IFRD1: variants seen among roughly 807,000 people sequenced by gnomAD.
IFRD1 encodes the protein interferon related developmental regulator 1.
A neutral mutation model predicts 52.9 loss-of-function variants in IFRD1; 35 were observed. That is an observed-to-expected ratio of 0.66 (90% confidence interval 0.51 to 0.88). The LOEUF is 0.88. Ranked by LOEUF, IFRD1 falls within the 40% of genes least tolerant of loss-of-function variation. The pLI is 0.00. For synonymous variants in IFRD1, 184 were observed against 188.4 expected (o/e 0.98, Z 0.19); for missense variants, 517 against 550.8 (o/e 0.94, Z 0.61).
chr7:112,447,992 T>C (rs1450377554), upstream of IFRD1, among the ~76,000 whole-genome samples: 3 of 152,150 alleles, frequency 2.0e-5, no homozygotes, highest in Middle Eastern at 3.2e-3. Context: ...CAGAAAAATC[T>C]AGTCAACAAT....
At chr7:112,463,153 A>G (rs188583557) in intron 8 of IFRD1, among the ~76,000 whole-genome samples, 1 of 152,304 alleles carries the variant, frequency 6.6e-6, no homozygotes, top group Non-Finnish European at 1.5e-5. Flanking sequence ...CTGTGCTGAT[A>G]TTTAGAAATG....
chr7:112,460,254 T>G (rs1213834111), intron 5 of IFRD1, among the ~76,000 whole-genome samples: 17 of 144,780 alleles, frequency 1.2e-4, no homozygotes, highest in Admixed American at 3.5e-4. Flanking sequence ...TTTTTTTTTT[T>G]TTTTTTTTTT....
At chr7:112,454,857 G>GGTT (rs1795247759) in intron 1 of IFRD1, among the ~76,000 whole-genome samples, 1 of 78,810 alleles carries the variant, frequency 1.3e-5, no homozygotes, top group African/African-American at 5.0e-5. Context: ...CTTCATATCA[G>GGTT]TTTTTTTTTT....
At chr7:112,464,797 C>G (rs1170959068) in intron 8 of IFRD1, among the ~76,000 whole-genome samples, 1 of 152,106 alleles carries the variant, frequency 6.6e-6, no homozygotes, top group African/African-American at 2.4e-5. Flanking sequence ...CAGGTCTCAC[C>G]CATTCCATTC....
chr7:112,427,991 G>A (rs1367638194), intron 1 of IFRD1, among the ~76,000 whole-genome samples: 1 of 152,170 alleles, frequency 6.6e-6, no homozygotes, highest in African/African-American at 2.4e-5. Context: ...GCTTGATGGG[G>A]GCAGAGGGGT....
At chr7:112,464,780 C>A (rs1795566930) in intron 8 of IFRD1, among the ~76,000 whole-genome samples, 1 of 152,142 alleles carries the variant, frequency 6.6e-6, no homozygotes, top group South Asian at 2.1e-4. Context: ...TATAGTTAGA[C>A]CTTTTCCAGG....
chr7:112,460,771 C>A (rs987810758), intron 5 of IFRD1, among the ~76,000 whole-genome samples: 2 of 67,170 alleles, frequency 3.0e-5, no homozygotes, highest in African/African-American at 9.1e-5. Flanking sequence ...AGTACTGGAA[C>A]AGACTGGCTA....
chr7:112,435,760 T>G (rs1182038245), intron 1 of IFRD1: 1 of 152,090 alleles, frequency 6.6e-6, no homozygotes, highest in Non-Finnish European at 1.5e-5. Flanking sequence ...ATTTATCTGG[T>G]CAGGTTTTAG....
intron 1 of IFRD1, chr7:112,435,621 G>GTGT (rs1554503433): frequency 9.2e-6 from 1 of 108,840 alleles, no homozygotes; most frequent in South Asian, 3.4e-4. Flanking sequence ...ATCTGCTACA[G>GTGT]GTGTGTGTGT....
In IFRD1 at chr7:112,450,594, C is replaced by T; in HGVS notation, c.-95C>T. The stretch of plus-strand genomic sequence containing the variant: ...TGTTGTTAGCCGAAGACTCGCCTCT[C>T]AGCCGCCCGCCGCACAGACGCACGA... On this transcript the variant is annotated 5_prime_UTR_variant, in exon 1 of 12. Coordinates refer to ENST00000403825, the MANE Select transcript of IFRD1 (RefSeq NM_001550.4). The T allele has an allele frequency of 1.0e-6, 1 of 998,398 alleles. No homozygotes were observed. Among genetic ancestry groups the T allele is most frequent in the Non-Finnish European group, 1.6e-6 (1 of 631,960 alleles). 61.8% of individuals were successfully genotyped at this position (998,398 alleles called of 1,614,324 possible).
chr7:112,447,945 T>C (rs1432240964), upstream of IFRD1, among the ~76,000 whole-genome samples: 2 of 152,136 alleles, frequency 1.3e-5, no homozygotes, highest in Admixed American at 1.3e-4. Flanking sequence ...AGAATGTATG[T>C]ATGTAGTGAT....
At chr7:112,471,568 A>G (rs1584503108) in intron 9 of IFRD1, among the ~76,000 whole-genome samples, 1 of 151,992 alleles carries the variant, frequency 6.6e-6, no homozygotes, top group East Asian at 1.9e-4. Flanking sequence ...TTCTGCCACT[A>G]TTCCAGCTGA....
Position 112,450,693 on chromosome 7 carries a change from C to G in IFRD1, c.5C>G (p.Pro2Arg), listed in dbSNP as rs144427603. ...GGCGGCACCGGGCGTCCCACGATGC[C>G]GAAGAACAAGAAGCGGAACACTCCC... is the stretch of plus-strand genomic sequence containing the variant. M[P>R]KNKKRNTPHR... is the part of the protein sequence containing the mutation. The change falls in exon 1 of 12, where the codon CCG (proline) becomes CGG (arginine). Residue 2 changes from proline (P) to arginine (R), a missense_variant. By Grantham distance (103) the Pro-to-Arg change is moderately radical. Transcript: ENST00000403825. The G allele has an allele frequency of 2.5e-6, 4 of 1,612,682 alleles. No homozygotes were observed. The East Asian group carries it at 6.7e-5, about 27-fold the overall frequency.
At chr7:112,464,345 G>C (rs17159686) in intron 8 of IFRD1, among the ~76,000 whole-genome samples, 24,840 of 151,868 alleles carry the variant, frequency 0.16, 2,182 homozygotes, top group South Asian at 0.31. Context: ...AATAAACTGT[G>C]TTCAAAGTTG....
intron 1 of IFRD1, among the ~76,000 whole-genome samples, chr7:112,440,788 T>C (rs916915278): frequency 6.6e-6 from 1 of 152,154 alleles, no homozygotes; most frequent in African/African-American, 2.4e-5. Context: ...ACTATCCTAG[T>C]TTGCAAGAAA....
At chr7:112,433,665 A>G (rs1166417195) in intron 1 of IFRD1, among the ~76,000 whole-genome samples, 3 of 152,234 alleles carry the variant, frequency 2.0e-5, no homozygotes, top group Non-Finnish European at 4.4e-5. Flanking sequence ...TTTCAAAGTT[A>G]AACTATAAAC....
At chr7:112,470,483 C>A (rs534489068) in intron 9 of IFRD1, among the ~76,000 whole-genome samples, 1 of 152,238 alleles carries the variant, frequency 6.6e-6, no homozygotes, top group Admixed American at 6.5e-5. Context: ...ATTTTAAAAA[C>A]CTTGGCTGTG....
chr7:112,447,488 G>T (rs1012110359), upstream of IFRD1, among the ~76,000 whole-genome samples: 4 of 152,150 alleles, frequency 2.6e-5, no homozygotes, highest in African/African-American at 9.7e-5. Context: ...GTTTGCGAAT[G>T]AGCCCAACCG....
At chr7:112,442,341 T>C (rs1452659848) in intron 1 of IFRD1, among the ~76,000 whole-genome samples, 1 of 152,230 alleles carries the variant, frequency 6.6e-6, no homozygotes, top group Non-Finnish European at 1.5e-5. Context: ...GAGTCATTTC[T>C]TTCTTTGGTT....
Sources: gnomAD v4.1 joint callset for allele counts (sites outside exome capture counted in the v4.1 genomes callset) on GRCh38, gnomAD v4.1.1 for gene constraint, MANE v1.5 for transcripts, NCBI Gene and HGNC (gene_info 2026-07-23, HGNC 2026-07-21) for gene names.